Variants in MLIP observed in about 807,000 individuals in gnomAD.
MLIP encodes the protein muscular LMNA-interacting protein.
A neutral mutation model predicts 84.8 loss-of-function variants in MLIP; 79 were observed. That is an observed-to-expected ratio of 0.93 (90% CI 0.78 to 1.12). The LOEUF is 1.12. Among genes scored for constraint, MLIP ranks in the 50% most tolerant of loss-of-function variants. The pLI is 0.00. For missense variants in MLIP, 1,257 were observed against 1,160.6 expected (o/e 1.08, Z -1.21); for synonymous variants, 504 against 463.0 (o/e 1.09, Z -1.14).
chr6:54,178,298 C>A (rs1298698410), intron 9 of MLIP, among the ~76,000 whole-genome samples: 1 of 39,842 alleles, frequency 2.5e-5, no homozygotes, highest in African/African-American at 4.5e-5. Flanking sequence ...ATTCGTGTTT[C>A]TTCCCTTTTT....
chr6:54,221,053 C>T (rs1780185339), intron 11 of MLIP, among the ~76,000 whole-genome samples: 1 of 152,022 alleles, frequency 6.6e-6, no homozygotes. Context: ...TAAAAAGTAA[C>T]AAACTTCAAG....
chr6:54,201,220 G>T (rs895781305), intron 10 of MLIP, among the ~76,000 whole-genome samples: 1 of 152,132 alleles, frequency 6.6e-6, no homozygotes, highest in East Asian at 1.9e-4. Context: ...TAAGAATCTC[G>T]AGTGACTGAT....
chr6:54,248,946 A>G (rs2150861481), intron 12 of MLIP, among the ~76,000 whole-genome samples: 1 of 152,260 alleles, frequency 6.6e-6, no homozygotes, highest in African/African-American at 2.4e-5. Flanking sequence ...GAGTACACAA[A>G]AGAATGTAGT....
At chr6:54,140,080 T>C (rs1772161269) in intron 4 of MLIP, among the ~76,000 whole-genome samples, 1 of 152,194 alleles carries the variant, frequency 6.6e-6, no homozygotes, top group African/African-American at 2.4e-5. Flanking sequence ...GATTATAAAA[T>C]TTATTTGTAG....
At chr6:54,114,010 T>C (rs1160590692) in intron 1 of MLIP, among the ~76,000 whole-genome samples, 1 of 152,190 alleles carries the variant, frequency 6.6e-6, no homozygotes, top group African/African-American at 2.4e-5. Flanking sequence ...GGATTTATAT[T>C]TGGACTGGTT....
intron 11 of MLIP, among the ~76,000 whole-genome samples, chr6:54,222,439 G>A (rs1010386595): frequency 5.3e-5 from 8 of 151,848 alleles, no homozygotes; most frequent in African/African-American, 1.9e-4. Flanking sequence ...GACTATTTTG[G>A]ATTTCACATT....
rs1394219032 is a variant in MLIP at position 54,129,794 on chromosome 6, G to T, written c.645+4929G>T. Among the ~76,000 whole-genome samples, 8 of 152,288 alleles carry T rather than the reference G, an allele frequency of 5.3e-5. No individual in the cohort carries two copies. The South Asian group carries it at 1.4e-3, about 28-fold the overall frequency. ...TCAGCTGGATGGCTCTTTGAATGCA[G>T]AACAGAGCCACCTGGGGCCTGACTG... On this transcript the variant is annotated intron_variant, in intron 3 of 13. Coordinates refer to ENST00000502396, the MANE Select transcript of MLIP (RefSeq NM_001281747.2).
intron 1 of MLIP, among the ~76,000 whole-genome samples, chr6:54,027,941 G>C (rs1763913220): frequency 6.6e-6 from 1 of 152,126 alleles, no homozygotes; most frequent in Non-Finnish European, 1.5e-5. Flanking sequence ...ATAGCATACT[G>C]TACGTGTGGC....
chr6:54,217,808 A>G, intron 11 of MLIP: 1 of 984,940 alleles, frequency 1.0e-6, no homozygotes, highest in African/African-American at 1.7e-5. Flanking sequence ...ATCCCTGTAC[A>G]TCCCTCAAAA....
intron 1 of MLIP, among the ~76,000 whole-genome samples, chr6:54,118,115 T>C (rs1770116803): frequency 6.6e-6 from 1 of 152,196 alleles, no homozygotes; most frequent in African/African-American, 2.4e-5. Context: ...ATCTACAGAT[T>C]CAACGCAACT....
intron 8 of MLIP, among the ~76,000 whole-genome samples, chr6:54,162,524 G>A (rs189561128): frequency 6.7e-4 from 102 of 152,038 alleles, no homozygotes; most frequent in African/African-American, 2.2e-3. Context: ...TGAAAAATAT[G>A]GCTGCTGTGA....
chr6:54,249,746 T>C (rs9464044), intron 12 of MLIP, among the ~76,000 whole-genome samples: 32 of 150,436 alleles, frequency 2.1e-4, no homozygotes, highest in South Asian at 2.1e-4. Context: ...TATATATATA[T>C]ACACACACAC....
chr6:54,037,539 A>G (rs1764514749), intron 1 of MLIP, among the ~76,000 whole-genome samples: 1 of 151,976 alleles, frequency 6.6e-6, no homozygotes. Context: ...ATGTCTCCAA[A>G]CAGTAACACT....
chr6:54,051,753 G>C (rs1403490599), intron 1 of MLIP, among the ~76,000 whole-genome samples: 1 of 152,104 alleles, frequency 6.6e-6, no homozygotes, highest in Non-Finnish European at 1.5e-5. Context: ...GGAAGATCTT[G>C]ATGGTCTTAT....
intron 5 of MLIP, among the ~76,000 whole-genome samples, chr6:54,154,362 A>T (rs1221771893): frequency 6.6e-6 from 1 of 152,190 alleles, no homozygotes; most frequent in African/African-American, 2.4e-5. Flanking sequence ...CTTCCATGGA[A>T]AAGCTTATAG....
intron 5 of MLIP, among the ~76,000 whole-genome samples, chr6:54,158,112 G>T (rs1774230671): frequency 6.6e-6 from 1 of 152,052 alleles, no homozygotes; most frequent in Non-Finnish European, 1.5e-5. Context: ...CTTGGTCAAG[G>T]CTAATAGTTC....
chr6:54,186,466 G>T (rs1777403354), intron 9 of MLIP, among the ~76,000 whole-genome samples: 1 of 152,122 alleles, frequency 6.6e-6, no homozygotes, highest in South Asian at 2.1e-4. Context: ...GTTTGTATTA[G>T]CCCATTTTCA....
intron 9 of MLIP, among the ~76,000 whole-genome samples, chr6:54,180,886 A>T (rs1562024749): frequency 6.6e-6 from 1 of 152,030 alleles, no homozygotes; most frequent in Non-Finnish European, 1.5e-5. Flanking sequence ...TTTCTGGATG[A>T]TCTTGATGCT....
chr6:54,191,477 G>A (rs989314186), intron 10 of MLIP, among the ~76,000 whole-genome samples: 5 of 152,126 alleles, frequency 3.3e-5, no homozygotes, highest in African/African-American at 9.7e-5. Flanking sequence ...TGTGTGTGGG[G>A]GGGCAATATA....
Sources: gnomAD v4.1 joint callset for allele counts (sites outside exome capture counted in the v4.1 genomes callset) on GRCh38, gnomAD v4.1.1 for gene constraint, MANE v1.5 for transcripts, NCBI Gene and HGNC (gene_info 2026-07-23, HGNC 2026-07-21) for gene names.